ITGB1: variants seen among roughly 807,000 people sequenced by gnomAD.
The protein encoded by ITGB1 is integrin beta-1.
In ITGB1, 24 loss-of-function variants were observed where a neutral mutation model predicts 86.5. The observed-to-expected ratio is 0.28, with a 90% CI of 0.20 to 0.39. The LOEUF (loss-of-function observed/expected upper bound fraction) is 0.39. Ranked by LOEUF, ITGB1 falls within the 10% of genes least tolerant of loss-of-function variation. The pLI, the probability that ITGB1 is intolerant of heterozygous loss-of-function variation, is 1.00. For missense variants in ITGB1, 556 were observed against 946.9 expected (o/e 0.59, Z 5.42); for synonymous variants, 323 against 316.8 (o/e 1.02, Z -0.21).
chr10:32,920,438 A>G, intron 9 of ITGB1, 53 bp from the exon 10 acceptor site: 1 of 1,548,878 alleles, frequency 6.5e-7, no homozygotes, highest in Non-Finnish European at 8.9e-7. Flanking sequence ...TGCTACTTGA[A>G]TGCATAAAAC....
intron 1 of ITGB1, among the ~76,000 whole-genome samples, chr10:32,947,746 T>C (rs1162118833): frequency 6.6e-6 from 1 of 152,224 alleles, no homozygotes; most frequent in South Asian, 2.1e-4. Context: ...ATTTGTGGCA[T>C]CTACCGTTGT....
intron 1 of ITGB1, among the ~76,000 whole-genome samples, chr10:32,956,581 G>A (rs772094614): frequency 6.6e-6 from 1 of 151,918 alleles, no homozygotes; most frequent in Non-Finnish European, 1.5e-5. Flanking sequence ...GGTGGCAGGC[G>A]CCTGTAGTCC....
intron 1 of ITGB1, among the ~76,000 whole-genome samples, chr10:32,954,625 T>G (rs1423808644): frequency 6.6e-6 from 1 of 152,212 alleles, no homozygotes; most frequent in East Asian, 1.9e-4. Flanking sequence ...CCTAAAATTT[T>G]CTCCCTATAC....
intron 15 of ITGB1, among the ~76,000 whole-genome samples, chr10:32,904,198 A>C (rs961631064): frequency 1.3e-5 from 2 of 152,312 alleles, no homozygotes; most frequent in Non-Finnish European, 2.9e-5. Flanking sequence ...TAAGCTCACT[A>C]TCTGTATTAG....
chr10:32,951,365 T>C (rs1245448044), intron 1 of ITGB1, among the ~76,000 whole-genome samples: 1 of 151,522 alleles, frequency 6.6e-6, no homozygotes, highest in Non-Finnish European at 1.5e-5. Context: ...ATGAGAAACG[T>C]TGTCTAATGG....
At chr10:32,909,748 A>C (rs981236718) in intron 14 of ITGB1, among the ~76,000 whole-genome samples, 1 of 152,138 alleles carries the variant, frequency 6.6e-6, no homozygotes, top group Non-Finnish European at 1.5e-5. Context: ...AGAAAATTCC[A>C]AAGAATCTAC....
Position 32,901,299 on chromosome 10 carries a change from T to C in ITGB1, c.*271A>G. On this transcript the variant is annotated 3_prime_UTR_variant, in exon 16 of 16. Coordinates refer to ENST00000302278, the MANE Select transcript of ITGB1 (RefSeq NM_002211.4). ...ATATCACTTAATCCAATAAGCTTGA[T>C]TTCAATAGTCCAGGAAGAAAAGGTC... is the stretch of plus-strand genomic sequence containing the variant. 3.0e-6 allele frequency: 1 copy of C among 337,458 alleles called. No homozygotes were observed. Among genetic ancestry groups the C allele is most frequent in the Non-Finnish European group, 5.4e-6 (1 of 186,690 alleles). 20.9% of individuals were successfully genotyped at this position (337,458 alleles called of 1,614,324 possible).
At chr10:32,957,477 A>G (rs1265584346) in intron 1 of ITGB1, among the ~76,000 whole-genome samples, 1 of 152,062 alleles carries the variant, frequency 6.6e-6, no homozygotes, top group African/African-American at 2.4e-5. Flanking sequence ...GTTTATAAAC[A>G]CGGGGAAGTG....
rs1169092167 is a variant in ITGB1 at position 32,908,552 on chromosome 10, A to AAT, written c.2165-20_2165-19dup. 1 of 1,610,148 alleles carries AAT rather than the reference A, an allele frequency of 6.2e-7. No individual in the cohort carries two copies. Among genetic ancestry groups the AAT allele is most frequent in the South Asian group, 1.1e-5 (1 of 90,958 alleles). On this transcript the variant is annotated intron_variant, in intron 14 of 15. Coordinates refer to ENST00000302278, the MANE Select transcript of ITGB1 (RefSeq NM_002211.4). ...GGGACACTCTGGAAAATAAGAAGGT[A>AAT]ATAATGAGCACCACAAAGAGCTGTG...
At chr10:32,930,343 AT>A (rs2094979332) in intron 3 of ITGB1, among the ~76,000 whole-genome samples, 1 of 152,262 alleles carries the variant, frequency 6.6e-6, no homozygotes, top group Non-Finnish European at 1.5e-5. Flanking sequence ...GAAATCACTA[AT>A]TGAGCATGGT....
At chr10:32,910,139 G>A in intron 14 of ITGB1, 84 bp downstream of exon 14, 2 of 945,658 alleles carry the variant, frequency 2.1e-6, no homozygotes, top group East Asian at 5.1e-5. Context: ...CCAGCTGGAG[G>A]CTGTTTCTGG....
At position 32,926,117 on chromosome 10, in the gene ITGB1, GA is replaced by G. The variant is rs2094963691; in HGVS notation, c.548-9del. On this transcript the variant is annotated splice_polypyrimidine_tract_variant and intron_variant, in intron 5 of 15. Coordinates refer to ENST00000302278, the MANE Select transcript of ITGB1 (RefSeq NM_002211.4). Reference sequence around the variant, plus strand: ...CCACAAATGAGCCAAATCCTGCCAAGAAAAAAATGGTACATAAATGAATGAA... The same window carrying G: ...CCACAAATGAGCCAAATCCTGCCAAGAAAAAATGGTACATAAATGAATGAA... 4 of 1,565,254 alleles carry G rather than the reference GA, an allele frequency of 2.6e-6. No individual in the cohort carries two copies. Among genetic ancestry groups the G allele is most frequent in the African/African-American group, 1.4e-5 (1 of 73,280 alleles).
chr10:32,920,815 T>C (rs375678339), intron 9 of ITGB1, among the ~76,000 whole-genome samples: 2 of 40,552 alleles, frequency 4.9e-5, no homozygotes, highest in Non-Finnish European at 1.3e-4. Context: ...TCCGCTAAAA[T>C]ACAAAAAAAA....
chr10:32,909,192 CAG>C (rs1383747453), intron 14 of ITGB1, among the ~76,000 whole-genome samples: 2 of 152,172 alleles, frequency 1.3e-5, no homozygotes, highest in South Asian at 2.1e-4. Context: ...GAACAGAATA[CAG>C]AGTCAGAAAC....
chr10:32,937,164 G>T (rs773658882), intron 1 of ITGB1, among the ~76,000 whole-genome samples: 11 of 152,098 alleles, frequency 7.2e-5, no homozygotes, highest in Non-Finnish European at 1.6e-4. Flanking sequence ...ATATTCACAA[G>T]AGCAAAAATG....
At chr10:32,912,569 C>T (rs1028658208) in intron 11 of ITGB1, among the ~76,000 whole-genome samples, 2 of 152,200 alleles carry the variant, frequency 1.3e-5, no homozygotes, top group African/African-American at 4.8e-5. Context: ...TCACTGCTAG[C>T]ACAGCAGTCT....
In ITGB1 at chr10:32,900,657, AG is replaced by A. The variant is rs1420398811; in HGVS notation, c.*912del. Reference sequence around the variant, plus strand: ...GGCAAATTGACCGCTAAAACTTCAAAGAAAAAGTACTCATAAAAAAAGTCTT... The same window carrying A: ...GGCAAATTGACCGCTAAAACTTCAAAAAAAAGTACTCATAAAAAAAGTCTT... On this transcript the variant is annotated 3_prime_UTR_variant, in exon 16 of 16. Transcript: ENST00000302278. The A allele has an allele frequency of 7.8e-6, 1 of 128,074 alleles. No individual in the cohort carries two copies. The highest frequency in any genetic ancestry group is 1.8e-5 in the Non-Finnish European group (1 of 54,520). The allele number at this position is 128,074 out of a possible 1,614,324, so 7.9% of individuals were successfully genotyped here. A position where few individuals can be genotyped will look rare whatever the true frequency, so the allele number is the denominator to read the frequency against.
At chr10:32,909,444 A>C (rs926603140) in intron 14 of ITGB1, among the ~76,000 whole-genome samples, 4 of 152,194 alleles carry the variant, frequency 2.6e-5, no homozygotes, top group Non-Finnish European at 4.4e-5. Flanking sequence ...TCTTAAAGAC[A>C]ATGTAAAAGC....
intron 15 of ITGB1, among the ~76,000 whole-genome samples, chr10:32,903,351 CAA>C (rs35559257): frequency 2.6e-4 from 15 of 57,034 alleles, no homozygotes; most frequent in Non-Finnish European, 3.4e-4. Context: ...GACTCCATCT[CAA>C]AAAAAAAAAA....
Sources: allele counts gnomAD v4.1 joint callset (sites outside exome capture counted in the v4.1 genomes callset), GRCh38; gene constraint gnomAD v4.1.1; transcripts MANE v1.5; gene names NCBI Gene and HGNC (gene_info 2026-07-23, HGNC 2026-07-21).